The following FBN2 variants were observed in gnomAD, a reference collection of about 807,000 sequenced individuals.
The protein encoded by FBN2 is fibrillin-2.
In FBN2, 105 loss-of-function variants were observed where a neutral mutation model predicts 355.6. The ratio of observed to expected loss-of-function variants is 0.30; its 90% CI spans 0.25 to 0.35. The LOEUF (loss-of-function observed/expected upper bound fraction) is 0.35, where lower values mean the gene tolerates loss of function less well. FBN2 is among the 10% of genes least tolerant of loss of function. FBN2 has a pLI of 1.00. For synonymous variants in FBN2, 1,350 were observed against 1,301.2 expected (o/e 1.04, Z -0.81); for missense variants, 3,280 against 3,758.7 (o/e 0.87, Z 3.33).
chr5:128,341,554 C>T (rs1280978912), intron 25 of FBN2, among the ~76,000 whole-genome samples: 1 of 152,220 alleles, frequency 6.6e-6, no homozygotes, highest in African/African-American at 2.4e-5. Flanking sequence ...TTCCCCCATT[C>T]CCTGGGCAGC....
At chr5:128,343,153 C>T (rs1237031976) in intron 25 of FBN2, among the ~76,000 whole-genome samples, 2 of 152,060 alleles carry the variant, frequency 1.3e-5, no homozygotes, top group African/African-American at 4.8e-5. Context: ...GCATGTAAGT[C>T]AGGGAAGAGG....
At chr5:128,294,759 C>A (rs866389629) in intron 48 of FBN2, among the ~76,000 whole-genome samples, 1 of 150,844 alleles carries the variant, frequency 6.6e-6, no homozygotes, top group South Asian at 2.1e-4. Context: ...GAGTAGGTTG[C>A]GAAAATTTTC....
At chr5:128,460,010 G>A (rs1754515474) in intron 6 of FBN2, among the ~76,000 whole-genome samples, 1 of 152,180 alleles carries the variant, frequency 6.6e-6, no homozygotes, top group African/African-American at 2.4e-5. Flanking sequence ...AATAGGAAGA[G>A]ATGAAGTCAA....
chr5:128,360,809 CA>C lies in FBN2; in HGVS notation c.2554+913del, dbSNP rs528320538. 1.4e-3 allele frequency among the ~76,000 whole-genome samples: 166 copies of C among 116,256 alleles called. 1 individual carries two copies. The highest frequency in any genetic ancestry group is 2.7e-3 in the Admixed American group (31 of 11,512). The allele number at this position is 116,256 out of a possible 152,430, so 76.3% of individuals were successfully genotyped here. ...TGCAGTTTTCTTGGCTGTGGCATCA[CA>C]AAAAAAAAAACCAAATACTTTAACA... On this transcript the variant is annotated intron_variant, in intron 19 of 64. Coordinates refer to ENST00000262464, the MANE Select transcript of FBN2 (RefSeq NM_001999.4).
In FBN2 at chr5:128,377,775, G is replaced by C. The variant is rs2126958666; in HGVS notation, c.1826C>G (p.Thr609Ser). 6.2e-7 allele frequency: 1 copy of C among 1,613,508 alleles called. No individual in the cohort carries two copies. Among genetic ancestry groups the C allele is most frequent in the Non-Finnish European group, 8.5e-7 (1 of 1,179,606 alleles). The stretch of plus-strand genomic sequence containing the variant: ...ACCAACACAGTTTTTTCCATCTGTA[G>C]TTAATTCAAAGCCGGCATTGCAAAT... ...QCICNAGFEL[T>S]TDGKNCVDHD... The change falls in exon 13 of 65, where the codon ACT becomes AGT. Residue 609 changes from threonine to serine, a missense_variant. Thr to Ser is a moderately conservative substitution (Grantham distance 58, BLOSUM62 1). Around this residue, in one of 6 missense-constraint regions of FBN2, gnomAD observed 2,284 missense variants for 2,749.5 expected, o/e 0.83. Coordinates refer to ENST00000262464, the MANE Select transcript of FBN2 (RefSeq NM_001999.4).
chr5:128,350,836 A>T, intron 21 of FBN2, 32 bp downstream of exon 21: 1 of 1,613,092 alleles, frequency 6.2e-7, no homozygotes, highest in South Asian at 1.1e-5. Flanking sequence ...GTTTCCAAGG[A>T]GAAGCCCAGA....
intron 7 of FBN2, among the ~76,000 whole-genome samples, chr5:128,416,823 G>C (rs1561446607): frequency 6.6e-6 from 1 of 152,008 alleles, no homozygotes; most frequent in African/African-American, 2.4e-5. Context: ...TTTGAAGTCA[G>C]GTTAGTGTGA....
chr5:128,371,618 C>G, intron 15 of FBN2, among the ~76,000 whole-genome samples: 1 of 151,558 alleles, frequency 6.6e-6, no homozygotes, highest in East Asian at 1.9e-4. Context: ...ACTACAACCT[C>G]CAGCTCCTGG....
intron 5 of FBN2, among the ~76,000 whole-genome samples, chr5:128,471,430 A>G (rs184693081): frequency 1.3e-5 from 2 of 152,258 alleles, no homozygotes; most frequent in African/African-American, 4.8e-5. Flanking sequence ...GCTGGGTCTA[A>G]ATCTTTAGAT....
Position 128,272,191 on chromosome 5 carries a change from C to G in FBN2, c.7841-73G>C, listed in dbSNP as rs1765284404. On this transcript the variant is annotated intron_variant, in intron 61 of 64. Transcript: ENST00000262464. ...ATTTTTAAATGCACTCCAAACGAAA[C>G]CTGGGGTAACTGTTATCATGGGAAC... The G allele has an allele frequency of 5.2e-6, 8 of 1,539,830 alleles. No individual in the cohort carries two copies. The South Asian group carries it at 9.0e-5, about 17-fold the overall frequency.
chr5:128,264,943 G>A (rs1362363564), intron 62 of FBN2, among the ~76,000 whole-genome samples: 1 of 152,150 alleles, frequency 6.6e-6, no homozygotes, highest in Non-Finnish European at 1.5e-5. Flanking sequence ...ATATTATTAG[G>A]AACATTTTTG....
intron 8 of FBN2, among the ~76,000 whole-genome samples, chr5:128,401,614 C>G (rs1581265757): frequency 6.6e-6 from 1 of 152,078 alleles, no homozygotes; most frequent in African/African-American, 2.4e-5. Flanking sequence ...AACCCCATCT[C>G]TACTAAAATA....
chr5:128,352,260 C>T (rs190092198), intron 20 of FBN2, among the ~76,000 whole-genome samples: 15 of 151,762 alleles, frequency 9.9e-5, no homozygotes, highest in African/African-American at 3.6e-4. Context: ...AAAAGTAAAT[C>T]ATACTTATGG....
chr5:128,285,148 C>CT (rs1201073251), intron 55 of FBN2, among the ~76,000 whole-genome samples: 1 of 152,164 alleles, frequency 6.6e-6, no homozygotes, highest in Non-Finnish European at 1.5e-5. Context: ...TCCTGTATAA[C>CT]TTTAATTCCC....
At chr5:128,284,327 C>T (rs1363733935) in intron 55 of FBN2, among the ~76,000 whole-genome samples, 1 of 152,140 alleles carries the variant, frequency 6.6e-6, no homozygotes, top group African/African-American at 2.4e-5. Flanking sequence ...AGAGCTAGCA[C>T]ACATGAACCT....
intron 5 of FBN2, among the ~76,000 whole-genome samples, chr5:128,489,255 G>A (rs1755436857): frequency 6.6e-6 from 1 of 152,128 alleles, no homozygotes; most frequent in Admixed American, 6.5e-5. Flanking sequence ...TTTCTATGCA[G>A]TCATGCTAGA....
chr5:128,496,441 T>G, intron 5 of FBN2, among the ~76,000 whole-genome samples: 1 of 152,106 alleles, frequency 6.6e-6, no homozygotes, highest in Non-Finnish European at 1.5e-5. Context: ...CATCTCAATA[T>G]ACACAGAAAA....
intron 7 of FBN2, among the ~76,000 whole-genome samples, chr5:128,443,757 G>A (rs1753984907): frequency 6.6e-6 from 1 of 152,092 alleles, no homozygotes; most frequent in Non-Finnish European, 1.5e-5. Flanking sequence ...TGTAAAAACA[G>A]GAAGAACATC....
chr5:128,483,353 A>G (rs1328956772), intron 5 of FBN2, among the ~76,000 whole-genome samples: 1 of 152,210 alleles, frequency 6.6e-6, no homozygotes, highest in Non-Finnish European at 1.5e-5. Context: ...AATAAAATAT[A>G]TGAACAAGGA....
Sources: allele counts gnomAD v4.1 joint callset (sites outside exome capture counted in the v4.1 genomes callset), GRCh38; gene constraint gnomAD v4.1.1; regional missense constraint gnomAD v4.1.1; transcripts MANE v1.5; gene names NCBI Gene and HGNC (gene_info 2026-07-23, HGNC 2026-07-21).